The following ITGBL1 variants were observed in gnomAD, a reference collection of about 807,000 sequenced individuals.
ITGBL1 encodes the protein integrin beta-like protein 1.
A neutral mutation model predicts 68.5 loss-of-function variants in ITGBL1; 51 were observed. That is an observed-to-expected ratio of 0.74 (90% CI 0.59 to 0.94). The LOEUF (loss-of-function observed/expected upper bound fraction) is 0.94, where lower values mean the gene tolerates loss of function less well. ITGBL1 is among the 40% of genes least tolerant of loss of function. The pLI, the probability that ITGBL1 is intolerant of heterozygous loss-of-function variation, is 0.00. For missense variants in ITGBL1, 649 were observed against 647.4 expected, an observed-to-expected ratio of 1.00 and a Z score of -0.03; for synonymous variants, 209 against 227.3, an observed-to-expected ratio of 0.92 and a Z score of 0.72.
chr13:101,527,281 C>A (rs1455310473), intron 2 of ITGBL1, among the ~76,000 whole-genome samples: 1 of 152,112 alleles, frequency 6.6e-6, no homozygotes, highest in East Asian at 1.9e-4. Flanking sequence ...CCATAGGCAA[C>A]CACTGAGCTA....
intron 4 of ITGBL1, among the ~76,000 whole-genome samples, chr13:101,578,971 G>A (rs1407374597): frequency 6.6e-6 from 1 of 152,056 alleles, no homozygotes; most frequent in Non-Finnish European, 1.5e-5. Context: ...TATATATTTG[G>A]GTTTGATGTG....
chr13:101,648,659 T>C (rs2032642882), intron 7 of ITGBL1, among the ~76,000 whole-genome samples: 1 of 152,118 alleles, frequency 6.6e-6, no homozygotes, highest in African/African-American at 2.4e-5. Flanking sequence ...GGAAAACCAT[T>C]AAAATTATTA....
intron 2 of ITGBL1, among the ~76,000 whole-genome samples, chr13:101,485,749 G>A (rs1189914082): frequency 2.6e-5 from 4 of 152,086 alleles, no homozygotes; most frequent in Admixed American, 6.5e-5. Context: ...CCAAGATCAC[G>A]CCACTGTACT....
intron 7 of ITGBL1, among the ~76,000 whole-genome samples, chr13:101,599,725 T>A (rs1172169624): frequency 3.3e-5 from 5 of 152,232 alleles, no homozygotes; most frequent in Non-Finnish European, 5.9e-5. Flanking sequence ...TTTGTCAGGT[T>A]TGTCAAAGAT....
chr13:101,671,830 G>C (rs189068162), intron 7 of ITGBL1, among the ~76,000 whole-genome samples: 1 of 152,242 alleles, frequency 6.6e-6, no homozygotes, highest in Non-Finnish European at 1.5e-5. Context: ...GTATTCTTAT[G>C]TTTTTTAATG....
intron 7 of ITGBL1, among the ~76,000 whole-genome samples, chr13:101,622,329 G>A (rs945649202): frequency 2.0e-5 from 3 of 152,004 alleles, no homozygotes; most frequent in South Asian, 2.1e-4. Context: ...TAACACCAGC[G>A]TCTCTGTCTA....
intron 7 of ITGBL1, among the ~76,000 whole-genome samples, chr13:101,647,373 ATTG>A (rs1382594174): frequency 3.3e-5 from 5 of 152,326 alleles, no homozygotes; most frequent in East Asian, 1.9e-4. Context: ...GAAAAATTTT[ATTG>A]TTAACACATT....
intron 6 of ITGBL1, among the ~76,000 whole-genome samples, chr13:101,590,775 C>T (rs2050638560): frequency 6.6e-6 from 1 of 152,088 alleles, no homozygotes; most frequent in Non-Finnish European, 1.5e-5. Context: ...ACAGAATTGA[C>T]TGTACTTTAA....
intron 7 of ITGBL1, among the ~76,000 whole-genome samples, chr13:101,637,995 C>T (rs1299678796): frequency 1.3e-5 from 2 of 152,112 alleles, no homozygotes; most frequent in African/African-American, 4.8e-5. Flanking sequence ...AAGGAATATT[C>T]CTGTTACACT....
At chr13:101,671,509 G>GCTCACTCGGCTCACTCA (rs2033372688) in intron 7 of ITGBL1, among the ~76,000 whole-genome samples, 2 of 136,076 alleles carry the variant, frequency 1.5e-5, no homozygotes, top group Non-Finnish European at 3.1e-5. Context: ...CGTGATCTCG[G>GCTCACTCGGCTCACTCA]CTCACTGCAA....
chr13:101,669,253 G>A (rs1038984780), intron 7 of ITGBL1, among the ~76,000 whole-genome samples: 1 of 152,016 alleles, frequency 6.6e-6, no homozygotes, highest in Admixed American at 6.6e-5. Flanking sequence ...TGAGAGGGAT[G>A]CAAAGAAGGT....
intron 10 of ITGBL1, chr13:101,714,920 G>T: frequency 4.8e-6 from 1 of 209,024 alleles, no homozygotes; most frequent in East Asian, 1.3e-4. Flanking sequence ...ACAGAATCTG[G>T]GTACCACTAG....
intron 8 of ITGBL1, among the ~76,000 whole-genome samples, chr13:101,699,943 A>G (rs9518496): frequency 0.21 from 32,500 of 152,160 alleles, 3,969 homozygotes; most frequent in Admixed American, 0.31. Flanking sequence ...ATGAGACAAC[A>G]CAATCTTAGT....
chr13:101,613,551 G>A (rs970593740), intron 7 of ITGBL1, among the ~76,000 whole-genome samples: 5 of 152,180 alleles, frequency 3.3e-5, no homozygotes, highest in African/African-American at 1.2e-4. Context: ...CTCCCAGGAA[G>A]TCATATTTGG....
At chr13:101,682,339 C>T (rs951951194) in intron 7 of ITGBL1, among the ~76,000 whole-genome samples, 9 of 151,978 alleles carry the variant, frequency 5.9e-5, no homozygotes, top group African/African-American at 2.2e-4. Context: ...AAGAAAAGTT[C>T]GACTTTGTCT....
At chr13:101,583,974 A>G (rs541717192) in intron 6 of ITGBL1, among the ~76,000 whole-genome samples, 2 of 152,330 alleles carry the variant, frequency 1.3e-5, no homozygotes, top group South Asian at 4.1e-4. Context: ...TTGACAATGA[A>G]CAGGATAGTT....
chr13:101,568,190 A>G (rs533329923), intron 3 of ITGBL1, among the ~76,000 whole-genome samples: 5 of 152,286 alleles, frequency 3.3e-5, no homozygotes, highest in Non-Finnish European at 5.9e-5. Flanking sequence ...TCTGTTACAG[A>G]TCACGGGTGC....
chr13:101,693,620 G>GTCTATCTA (rs1422842721), intron 8 of ITGBL1, among the ~76,000 whole-genome samples: 2,155 of 99,268 alleles, frequency 0.022, 17 homozygotes, highest in East Asian at 0.049. Flanking sequence ...CTATCTGTCT[G>GTCTATCTA]TCTGTCTATC....
intron 7 of ITGBL1, among the ~76,000 whole-genome samples, chr13:101,663,141 T>C (rs1566781258): frequency 6.6e-6 from 1 of 152,170 alleles, no homozygotes; most frequent in Non-Finnish European, 1.5e-5. Flanking sequence ...AAATAGATGT[T>C]GAATAAATGA....
Sources: allele counts gnomAD v4.1 joint callset (sites outside exome capture counted in the v4.1 genomes callset), GRCh38; gene constraint gnomAD v4.1.1; transcripts MANE v1.5; gene names NCBI Gene and HGNC (gene_info 2026-07-23, HGNC 2026-07-21).